The following ABLIM1 variants were observed in gnomAD, a reference collection of about 807,000 sequenced individuals.
The protein encoded by ABLIM1 is actin-binding LIM protein 1.
A neutral mutation model predicts 107.0 loss-of-function variants in ABLIM1; 40 were observed. The ratio of observed to expected loss-of-function variants is 0.37; its 90% CI spans 0.29 to 0.49. The LOEUF (loss-of-function observed/expected upper bound fraction) is 0.49, where lower values mean the gene tolerates loss of function less well. Among genes scored for constraint, ABLIM1 ranks in the 20% least tolerant of loss-of-function variants. The pLI is 0.97. For synonymous variants in ABLIM1, 357 were observed against 357.3 expected, an observed-to-expected ratio of 1.00 and a Z score of 0.01; for missense variants, 857 against 1,008.5, an observed-to-expected ratio of 0.85 and a Z score of 2.04.
At chr10:114,774,562 G>A in the ABLIM1 span, among the ~76,000 whole-genome samples, 6 of 152,178 alleles carry the variant, frequency 3.9e-5, no homozygotes, top group African/African-American at 1.4e-4. Flanking sequence ...GAAGTTCCAC[G>A]AGGATAGGTA....
intron 12 of ABLIM1, among the ~76,000 whole-genome samples, chr10:114,460,624 T>G (rs939825517): frequency 6.6e-6 from 1 of 152,046 alleles, no homozygotes; most frequent in Non-Finnish European, 1.5e-5. Context: ...AAAAGCAATT[T>G]AAGAGCACCA....
intron 12 of ABLIM1, chr10:114,463,209 A>C (rs2064329741): frequency 8.2e-7 from 1 of 1,217,932 alleles, no homozygotes; most frequent in Non-Finnish European, 1.1e-6. Context: ...GAAACAGAAA[A>C]GAAGAACAGA....
At chr10:114,738,607 T>G (rs754115375) in intron 1 of ABLIM1, among the ~76,000 whole-genome samples, 1 of 152,114 alleles carries the variant, frequency 6.6e-6, no homozygotes, top group Non-Finnish European at 1.5e-5. Context: ...AAAACAGAGC[T>G]CAAGAGATAG....
chr10:114,524,233 G>A (rs1183315247), intron 6 of ABLIM1, among the ~76,000 whole-genome samples: 1 of 152,198 alleles, frequency 6.6e-6, no homozygotes, highest in East Asian at 1.9e-4. Flanking sequence ...TATTCTTGGA[G>A]AAACACCAAG....
At chr10:114,438,629 C>T (rs982743986) in intron 21 of ABLIM1, among the ~76,000 whole-genome samples, 2 of 152,196 alleles carry the variant, frequency 1.3e-5, no homozygotes, top group Non-Finnish European at 2.9e-5. Context: ...ACAATCTTGT[C>T]CCATGACTAG....
intron 6 of ABLIM1, among the ~76,000 whole-genome samples, chr10:114,518,521 C>G (rs2063250707): frequency 6.6e-6 from 1 of 151,614 alleles, no homozygotes; most frequent in Non-Finnish European, 1.5e-5. Flanking sequence ...GCCAATAAAG[C>G]TTAGGGAGTA....
chr10:114,706,297 G>A (rs781061530), intron 1 of ABLIM1, among the ~76,000 whole-genome samples: 12 of 152,200 alleles, frequency 7.9e-5, no homozygotes, highest in Non-Finnish European at 1.6e-4. Flanking sequence ...ATTGTTTCAC[G>A]ACGTTCATTT....
At chr10:114,687,538 C>T (rs927678882), upstream of ABLIM1, among the ~76,000 whole-genome samples, 3 of 152,308 alleles carry the variant, frequency 2.0e-5, no homozygotes, top group East Asian at 1.9e-4. Flanking sequence ...GTGATGCTGT[C>T]GTACCCTGGT....
intron 6 of ABLIM1, among the ~76,000 whole-genome samples, chr10:114,535,563 G>C (rs1347038996): frequency 6.6e-6 from 1 of 152,140 alleles, no homozygotes; most frequent in East Asian, 1.9e-4. Context: ...TCCCACCTCG[G>C]CCTCCCAAAG....
intron 1 of ABLIM1, among the ~76,000 whole-genome samples, chr10:114,678,889 C>T (rs2080613198): frequency 1.3e-5 from 2 of 152,170 alleles, no homozygotes; most frequent in Admixed American, 1.3e-4. Context: ...AGTCTCAGTG[C>T]ATGTCTATTC....
intron 1 of ABLIM1, among the ~76,000 whole-genome samples, chr10:114,744,044 G>C (rs76764462): frequency 6.6e-6 from 1 of 152,230 alleles, no homozygotes; most frequent in Non-Finnish European, 1.5e-5. Context: ...CCTCTTGGGA[G>C]ACCATGAGAT....
intron 6 of ABLIM1, among the ~76,000 whole-genome samples, chr10:114,511,111 C>T (rs1432785037): frequency 1.3e-5 from 2 of 151,926 alleles, no homozygotes; most frequent in Non-Finnish European, 2.9e-5. Flanking sequence ...TTTTTATAAT[C>T]GCACATTATA....
At chr10:114,510,675 G>A (rs772282731) in intron 6 of ABLIM1, among the ~76,000 whole-genome samples, 12 of 150,374 alleles carry the variant, frequency 8.0e-5, no homozygotes, top group Non-Finnish European at 1.8e-4. Flanking sequence ...TTTGAGACAA[G>A]GTCTCACTCC....
At chr10:114,792,866 C>G in the ABLIM1 span, among the ~76,000 whole-genome samples, 1 of 152,104 alleles carries the variant, frequency 6.6e-6, no homozygotes, top group African/African-American at 2.4e-5. Flanking sequence ...GAAATGTAAT[C>G]CCCAGCTGGG....
intron 2 of ABLIM1, among the ~76,000 whole-genome samples, chr10:114,580,995 C>T (rs920425070): frequency 6.6e-6 from 1 of 152,108 alleles, no homozygotes; most frequent in African/African-American, 2.4e-5. Flanking sequence ...CTCAAGGTGC[C>T]AACTAAATCC....
At chr10:114,634,793 T>G (rs1323090792) in intron 1 of ABLIM1, among the ~76,000 whole-genome samples, 1 of 152,182 alleles carries the variant, frequency 6.6e-6, no homozygotes, top group East Asian at 1.9e-4. Flanking sequence ...CCCCCGCCAA[T>G]CAGACGCTGC....
chr10:114,692,958 G>C (rs2081115495), intron 1 of ABLIM1, among the ~76,000 whole-genome samples: 1 of 152,184 alleles, frequency 6.6e-6, no homozygotes, highest in Admixed American at 6.5e-5. Flanking sequence ...ACACCTTGCT[G>C]AATCATTTTA....
chr10:114,709,654 A>G (rs950207877), intron 1 of ABLIM1, among the ~76,000 whole-genome samples: 1 of 152,266 alleles, frequency 6.6e-6, no homozygotes. Context: ...TCTTTTCTCT[A>G]CATAGAAAAA....
At chr10:114,562,127 C>G (rs1456967676) in intron 4 of ABLIM1, among the ~76,000 whole-genome samples, 1 of 152,210 alleles carries the variant, frequency 6.6e-6, no homozygotes, top group Non-Finnish European at 1.5e-5. Context: ...GGTCACCCCT[C>G]CTCCAGGTCA....
Sources: gnomAD v4.1 joint callset for allele counts (sites outside exome capture counted in the v4.1 genomes callset) on GRCh38, gnomAD v4.1.1 for gene constraint, MANE v1.5 for transcripts, NCBI Gene and HGNC (gene_info 2026-07-23, HGNC 2026-07-21) for gene names.